DDX39B: variants seen among roughly 807,000 people sequenced by gnomAD.
DDX39B encodes the protein spliceosome RNA helicase DDX39B.
Under a neutral mutation model 46.4 loss-of-function variants are expected in DDX39B, and 6 were observed. The ratio of observed to expected loss-of-function variants is 0.13; its 90% CI spans 0.07 to 0.26. DDX39B has a LOEUF of 0.26. Ranked by LOEUF, DDX39B falls within the 10% of genes least tolerant of loss-of-function variation. DDX39B has a pLI of 1.00. For missense variants in DDX39B, 185 were observed against 553.4 expected (o/e 0.33, Z 6.68); for synonymous variants, 174 against 199.4 (o/e 0.87, Z 1.07).
At chr6:31,539,522 C>G (rs576904415) in intron 2 of DDX39B, among the ~76,000 whole-genome samples, 1 of 152,144 alleles carries the variant, frequency 6.6e-6, no homozygotes, top group African/African-American at 2.4e-5. Flanking sequence ...AGTAACAAAC[C>G]CCTTGCATCT....
Position 31,531,028 on chromosome 6 carries a change from G to C in DDX39B, c.1122+25C>G. ...AGAAAACAAGGGAATGGGAGAGTGGGATTTTTTCAGCCTGTGAGGTTTACC... is the reference window on the plus strand; with the variant it reads ...AGAAAACAAGGGAATGGGAGAGTGGCATTTTTTCAGCCTGTGAGGTTTACC... On this transcript the variant is annotated intron_variant, in intron 9 of 10. Coordinates refer to ENST00000396172, the MANE Select transcript of DDX39B (RefSeq NM_004640.7). This position sits in a 1 kb window ranked among gnomAD's most constrained non-coding sequence, Gnocchi z 5.8. 1 of 1,613,958 alleles carries C rather than the reference G, an allele frequency of 6.2e-7. No individual in the cohort carries two copies. Among genetic ancestry groups the C allele is most frequent in the Non-Finnish European group, 8.5e-7 (1 of 1,179,892 alleles).
intron 1 of DDX39B, chr6:31,540,888 C>T (rs756476742): frequency 2.4e-6 from 1 of 410,364 alleles, no homozygotes; most frequent in African/African-American, 2.0e-5. Context: ...ATCACAGTAG[C>T]GGAAACCAGA....
In DDX39B at chr6:31,542,000, A is replaced by C. The variant is rs775616731; in HGVS notation, c.-183T>G. On this transcript the variant is annotated 5_prime_UTR_variant, in exon 1 of 11. Coordinates refer to ENST00000396172, the MANE Select transcript of DDX39B (RefSeq NM_004640.7). ...GCAGCAACAGCGACGAAGGAGGGAA[A>C]TCTGCCTTCACTTCCGGTTGCAGGC... 1.0e-5 allele frequency: 7 copies of C among 681,506 alleles called. No homozygotes were observed. The highest frequency in any genetic ancestry group is 1.9e-5 in the Non-Finnish European group (7 of 368,518). 42.2% of individuals were successfully genotyped at this position (681,506 alleles called of 1,614,324 possible). A position where few individuals can be genotyped will look rare whatever the true frequency, so the allele number is the denominator to read the frequency against.
chr6:31,530,625 G>GA lies in DDX39B; in HGVS notation c.1270+153dup. On this transcript the variant is annotated intron_variant, in intron 10 of 10. Transcript: ENST00000396172. The surrounding 1 kb of genome is among the most constrained non-coding windows in gnomAD (Gnocchi z 4.5). ...GACAAGACACCCCACATAAAGGTCA[G>GA]AAAAACATCCCAACACAGCATCAAA... 7.5e-7 allele frequency: 1 copy of GA among 1,330,798 alleles called. No homozygotes were observed. Among genetic ancestry groups the GA allele is most frequent in the Non-Finnish European group, 1.0e-6 (1 of 961,732 alleles). 82.4% of individuals were successfully genotyped at this position (1,330,798 alleles called of 1,614,324 possible). A position where few individuals can be genotyped will look rare whatever the true frequency, so the allele number is the denominator to read the frequency against.
intron 4 of DDX39B, among the ~76,000 whole-genome samples, chr6:31,537,402 G>A (rs1767903414): frequency 6.6e-6 from 1 of 152,180 alleles, no homozygotes; most frequent in African/African-American, 2.4e-5. Context: ...CTCCAGCCTG[G>A]ATGACAGAGC....
Position 31,531,595 on chromosome 6 carries a change from C to G in DDX39B, c.868-190G>C. The G allele has an allele frequency of 1.7e-6, 1 of 603,590 alleles. No homozygotes were observed. Among genetic ancestry groups the G allele is most frequent in the Non-Finnish European group, 2.9e-6 (1 of 349,836 alleles). 37.4% of individuals were successfully genotyped at this position (603,590 alleles called of 1,614,324 possible). A position where few individuals can be genotyped will look rare whatever the true frequency, so the allele number is the denominator to read the frequency against. On this transcript the variant is annotated intron_variant, in intron 7 of 10. Transcript: ENST00000396172. The surrounding 1 kb of genome is among the most constrained non-coding windows in gnomAD (Gnocchi z 5.8). ...AACTTTACTTCAGCACTGATTTTTCCCTAAGGAAGCTGGCCTCTGAGGTAG... is the reference window on the plus strand; with the variant it reads ...AACTTTACTTCAGCACTGATTTTTCGCTAAGGAAGCTGGCCTCTGAGGTAG...
In DDX39B at chr6:31,531,478, G is replaced by T; in HGVS notation, c.868-73C>A. 1 of 1,302,832 alleles carries T rather than the reference G, an allele frequency of 7.7e-7. No individual in the cohort carries two copies. Among genetic ancestry groups the T allele is most frequent in the Non-Finnish European group, 1.1e-6 (1 of 908,372 alleles). The allele number at this position is 1,302,832 out of a possible 1,614,324, so 80.7% of individuals were successfully genotyped here. ...CATGGTGTGTGAGAGACATTACGTG[G>T]GAGAGGGGAGTTTCTAGTAATTACG... On this transcript the variant is annotated intron_variant, in intron 7 of 10. Transcript: ENST00000396172. This position sits in a 1 kb window ranked among gnomAD's most constrained non-coding sequence, Gnocchi z 5.8.
chr6:31,541,902 G>A (rs909700683), intron 1 of DDX39B, 48 bp downstream of exon 1: 13 of 636,540 alleles, frequency 2.0e-5, no homozygotes, highest in Non-Finnish European at 2.9e-6. Context: ...CGGGATGGGT[G>A]CGGAGAAGCG....
In DDX39B at chr6:31,531,237, T is replaced by G; in HGVS notation, c.978-40A>C. 6.2e-7 allele frequency: 1 copy of G among 1,614,068 alleles called. No individual in the cohort carries two copies. Among genetic ancestry groups the G allele is most frequent in the Non-Finnish European group, 8.5e-7 (1 of 1,179,910 alleles). On this transcript the variant is annotated intron_variant, in intron 8 of 10. Transcript: ENST00000396172. This position sits in a 1 kb window ranked among gnomAD's most constrained non-coding sequence, Gnocchi z 5.8. ...AAATTTAAAACATGTTGAGATTCCCTTCTCTCAACTGTCTTTTTCTCCCAA... is the reference window on the plus strand; with the variant it reads ...AAATTTAAAACATGTTGAGATTCCCGTCTCTCAACTGTCTTTTTCTCCCAA...
At position 31,535,352 on chromosome 6, in the gene DDX39B, T is replaced by C. The variant is rs1317237537; in HGVS notation, c.735+15A>G. On this transcript the variant is annotated intron_variant, in intron 6 of 10. Coordinates refer to ENST00000396172, the MANE Select transcript of DDX39B (RefSeq NM_004640.7). The surrounding 1 kb of genome is among the most constrained non-coding windows in gnomAD (Gnocchi z 4.6). ...GGGCGGGGAGTGGAGGGAGAGAAGG[T>C]AGAAGGGTATTTACATCTTGCATGA... 1.2e-6 allele frequency: 2 copies of C among 1,610,430 alleles called. No homozygotes were observed. The highest frequency in any genetic ancestry group is 1.3e-5 in the African/African-American group (1 of 74,710).
chr6:31,534,443 C>T lies in DDX39B; in HGVS notation c.735+924G>A. 2.1e-6 allele frequency: 1 copy of T among 470,738 alleles called. No homozygotes were observed. The highest frequency in any genetic ancestry group is 4.4e-6 in the Non-Finnish European group (1 of 226,896). 29.2% of individuals were successfully genotyped at this position (470,738 alleles called of 1,614,324 possible). A position where few individuals can be genotyped will look rare whatever the true frequency, so the allele number is the denominator to read the frequency against. On this transcript the variant is annotated intron_variant, in intron 6 of 10. Coordinates refer to ENST00000396172, the MANE Select transcript of DDX39B (RefSeq NM_004640.7). The surrounding 1 kb of genome is among the most constrained non-coding windows in gnomAD (Gnocchi z 5.1). ...CCACTGCTTATGCAATTGGCCCCAC[C>T]TAGCCCCAAACCCTAACAACCACCC... is the stretch of plus-strand genomic sequence containing the variant.
chr6:31,540,941 A>G, intron 1 of DDX39B: 1 of 417,426 alleles, frequency 2.4e-6, no homozygotes, highest in Non-Finnish European at 4.6e-6. Context: ...CTTGATCTGA[A>G]AGTAACAGTG....
intron 1 of DDX39B, chr6:31,541,446 G>A (rs887926327): frequency 1.3e-5 from 5 of 370,954 alleles, no homozygotes; most frequent in Non-Finnish European, 2.8e-5. Flanking sequence ...TCCTTTTGGA[G>A]AAACATACAA....
chr6:31,535,522 A>T lies in DDX39B; in HGVS notation c.617-37T>A. ...AGGAAAAAAATTGTAGGAGAAAATA[A>T]GCAGGTATGATAAACAAAGATTAGA... is the stretch of plus-strand genomic sequence containing the variant. On this transcript the variant is annotated intron_variant, in intron 5 of 10. Coordinates refer to ENST00000396172, the MANE Select transcript of DDX39B (RefSeq NM_004640.7). This position sits in a 1 kb window ranked among gnomAD's most constrained non-coding sequence, Gnocchi z 4.6. 6.5e-7 allele frequency: 1 copy of T among 1,549,594 alleles called. No homozygotes were observed.
chr6:31,541,691 A>G, intron 1 of DDX39B: 1 of 527,526 alleles, frequency 1.9e-6, no homozygotes. Context: ...CCAATATGAG[A>G]AGAACCCATT....
At chr6:31,539,389 C>T in intron 2 of DDX39B, 115 bp from the exon 3 acceptor site, 1 of 1,458,466 alleles carries the variant, frequency 6.9e-7, no homozygotes, top group Non-Finnish European at 9.2e-7. Context: ...TAGTATTTAC[C>T]TGGTTCTTGC....
intron 7 of DDX39B, 76 bp downstream of exon 7, chr6:31,532,704 A>C (rs1344484220): frequency 6.5e-7 from 1 of 1,548,874 alleles, no homozygotes. Context: ...CCTCAATAAA[A>C]GTGTACTTAA....
Position 31,531,452 on chromosome 6 carries a change from C to T in DDX39B, c.868-47G>A, listed in dbSNP as rs74367810. The stretch of plus-strand genomic sequence containing the variant: ...GGTCGCAAATTGGGGGAATAGGGGT[C>T]CATGGTGTGTGAGAGACATTACGTG... On this transcript the variant is annotated intron_variant, in intron 7 of 10. Transcript: ENST00000396172. This position sits in a 1 kb window ranked among gnomAD's most constrained non-coding sequence, Gnocchi z 5.8. 46,875 of 1,554,944 alleles carry T rather than the reference C, an allele frequency of 0.03. 1,305 individuals carry two copies. Among genetic ancestry groups the T allele is most frequent in the African/African-American group, 0.035 (2,611 of 73,670 alleles).
In DDX39B at chr6:31,540,556, G is replaced by C; in HGVS notation, c.-24C>G. 6.2e-7 allele frequency: 1 copy of C among 1,612,784 alleles called. No individual in the cohort carries two copies. The highest frequency in any genetic ancestry group is 1.1e-5 in the South Asian group (1 of 91,066). On this transcript the variant is annotated 5_prime_UTR_variant, in exon 2 of 11. Coordinates refer to ENST00000396172, the MANE Select transcript of DDX39B (RefSeq NM_004640.7). ...ATAACTGGGCCGGCAGGGGAAGAAGGGAAGGGGGATCTGGATGGGTTCTCG... is the reference window on the plus strand; with the variant it reads ...ATAACTGGGCCGGCAGGGGAAGAAGCGAAGGGGGATCTGGATGGGTTCTCG...
Sources: gnomAD v4.1 joint callset for allele counts (sites outside exome capture counted in the v4.1 genomes callset) on GRCh38, gnomAD v4.1.1 for gene constraint, Gnocchi (gnomAD v3.1) non-coding constraint, MANE v1.5 for transcripts, NCBI Gene and HGNC (gene_info 2026-07-23, HGNC 2026-07-21) for gene names.